B3GALNT2: variants seen among roughly 807,000 people sequenced by gnomAD.
The protein encoded by B3GALNT2 is beta-1,3-N-acetylgalactosaminyltransferase 2, also known as UDP-GalNAc:beta-1,3-N-acetylgalactosaminyltransferase 2.
Under a neutral mutation model 61.1 loss-of-function variants are expected in B3GALNT2, and 53 were observed. The observed-to-expected ratio is 0.87, with a 90% CI of 0.70 to 1.09. B3GALNT2 has a LOEUF of 1.09. Ranked by LOEUF, B3GALNT2 falls within the 50% of genes least tolerant of loss-of-function variation. B3GALNT2 has a pLI of 0.00. For missense variants in B3GALNT2, 544 were observed against 623.0 expected, an observed-to-expected ratio of 0.87 and a Z score of 1.35; for synonymous variants, 223 against 237.4, an observed-to-expected ratio of 0.94 and a Z score of 0.56.
At chr1:235,497,330 G>A (rs889250613) in intron 1 of B3GALNT2, among the ~76,000 whole-genome samples, 1 of 152,172 alleles carries the variant, frequency 6.6e-6, no homozygotes, top group Non-Finnish European at 1.5e-5. Context: ...CCACAGCCAA[G>A]ATTTTGCATT....
downstream of B3GALNT2, chr1:235,442,840 T>G: frequency 6.2e-7 from 1 of 1,613,600 alleles, no homozygotes; most frequent in Non-Finnish European, 8.5e-7. Context: ...TTTTTCTTTG[T>G]TTCTCTTAAA....
chr1:235,483,532 G>A (rs1176691264), intron 4 of B3GALNT2, among the ~76,000 whole-genome samples: 1 of 152,240 alleles, frequency 6.6e-6, no homozygotes, highest in South Asian at 2.1e-4. Flanking sequence ...AGCACTCTGG[G>A]AGGCCGAGAA....
Position 235,480,363 on chromosome 1 carries a change from C to T in B3GALNT2, c.556-214G>A, listed in dbSNP as rs114845266. On this transcript the variant is annotated intron_variant, in intron 4 of 11. Coordinates refer to ENST00000366600, the MANE Select transcript of B3GALNT2 (RefSeq NM_152490.5). ...ATATTTAAGGTAATCAAAGTTGTCACGAAATTCTCAAATGCTAAACATAAT... is the reference window on the plus strand; with the variant it reads ...ATATTTAAGGTAATCAAAGTTGTCATGAAATTCTCAAATGCTAAACATAAT... 5.5e-3 allele frequency among the ~76,000 whole-genome samples: 833 copies of T among 151,556 alleles called. 10 individuals carry two copies. Among genetic ancestry groups the T allele is most frequent in the African/African-American group, 0.019 (792 of 41,306 alleles).
At chr1:235,469,959 G>A (rs1683908579) in intron 6 of B3GALNT2, among the ~76,000 whole-genome samples, 1 of 151,990 alleles carries the variant, frequency 6.6e-6, no homozygotes, top group South Asian at 2.1e-4. Context: ...GTGCAGTGGT[G>A]TGATCTCAGC....
intron 2 of B3GALNT2, among the ~76,000 whole-genome samples, 164 bp from the exon 3 acceptor site, chr1:235,489,432 T>C (rs1038741841): frequency 2.6e-5 from 4 of 151,692 alleles, no homozygotes; most frequent in Admixed American, 6.6e-5. Flanking sequence ...ACAAGTAAAC[T>C]GAAAGTTGCT....
chr1:235,483,502 G>C (rs1010596830), intron 4 of B3GALNT2, among the ~76,000 whole-genome samples: 3 of 152,124 alleles, frequency 2.0e-5, no homozygotes, highest in African/African-American at 7.2e-5. Context: ...ACTTTGGGAG[G>C]CTACTTGGGA....
At position 235,453,161 on chromosome 1, in the gene B3GALNT2, T is replaced by G. The variant is rs1683007025; in HGVS notation, c.1312-15A>C. On this transcript the variant is annotated splice_polypyrimidine_tract_variant and intron_variant, in intron 10 of 11. Coordinates refer to ENST00000366600, the MANE Select transcript of B3GALNT2 (RefSeq NM_152490.5). ...ACATCTTCACCCTATACATGGCCCA[T>G]AAAGTTTAAATGTAAAAATTTTAAT... 1 of 1,606,672 alleles carries G rather than the reference T, an allele frequency of 6.2e-7. No homozygotes were observed. The highest frequency in any genetic ancestry group is 1.3e-5 in the African/African-American group (1 of 74,744).
intron 1 of B3GALNT2, among the ~76,000 whole-genome samples, chr1:235,500,820 A>G (rs766749012): frequency 2.6e-5 from 4 of 152,228 alleles, no homozygotes; most frequent in South Asian, 2.1e-4. Context: ...AATCTTCACA[A>G]TAAGTCTATG....
At chr1:235,497,683 T>C (rs1477239457) in intron 1 of B3GALNT2, among the ~76,000 whole-genome samples, 1 of 152,248 alleles carries the variant, frequency 6.6e-6, no homozygotes, top group Admixed American at 6.5e-5. Flanking sequence ...AAAATCTTCA[T>C]GAAAATTTCT....
chr1:235,480,216 T>C, intron 4 of B3GALNT2, 67 bp from the exon 5 acceptor site: 1 of 1,577,396 alleles, frequency 6.3e-7, no homozygotes, highest in Non-Finnish European at 8.6e-7. Context: ...CAAAAAGTTT[T>C]CAAACACCTT....
At chr1:235,461,990 C>T (rs1683457058) in intron 7 of B3GALNT2, among the ~76,000 whole-genome samples, 1 of 152,150 alleles carries the variant, frequency 6.6e-6, no homozygotes, top group Admixed American at 6.6e-5. Context: ...GATTATTTTG[C>T]CCAACTGTGG....
Position 235,450,014 on chromosome 1 carries a change from C to T in B3GALNT2, c.*192G>A. 1.9e-6 allele frequency: 1 copy of T among 527,644 alleles called. No homozygotes were observed. The highest frequency in any genetic ancestry group is 4.0e-5 in the South Asian group (1 of 25,270). The allele number at this position is 527,644 out of a possible 1,614,324, so 32.7% of individuals were successfully genotyped here. A position where few individuals can be genotyped will look rare whatever the true frequency, so the allele number is the denominator to read the frequency against. On this transcript the variant is annotated 3_prime_UTR_variant, in exon 12 of 12. Coordinates refer to ENST00000366600, the MANE Select transcript of B3GALNT2 (RefSeq NM_152490.5). ...ATAAATAAAAACTTTTCTTATGCTA[C>T]AGTACAAGTTGATTTTTAAGGAAAT... is the stretch of plus-strand genomic sequence containing the variant.
intron 7 of B3GALNT2, among the ~76,000 whole-genome samples, chr1:235,459,807 T>G (rs1041934378): frequency 6.6e-6 from 1 of 152,068 alleles, no homozygotes; most frequent in Middle Eastern, 3.4e-3. Context: ...TTTTTTTCTT[T>G]TTTTGAGACA....
chr1:235,442,008 ATTT>A, the B3GALNT2 span: 459 of 594,292 alleles, frequency 7.7e-4, no homozygotes, highest in East Asian at 1.2e-3. Context: ...TTAAATGAAA[ATTT>A]TTTTTTTTTT....
In B3GALNT2 at chr1:235,447,965, CT is replaced by C. The variant is rs1221984402; in HGVS notation, c.*2240del. 6.6e-6 allele frequency among the ~76,000 whole-genome samples: 1 copy of C among 152,026 alleles called. No individual in the cohort carries two copies. The highest frequency in any genetic ancestry group is 1.9e-4 in the East Asian group (1 of 5,188). Reference sequence around the variant, plus strand: ...TGGGCTCATGCTTGTAATCCCAGCACTTTGGGGGGCCAGGGCGGGCGGATCA... The same window carrying C: ...TGGGCTCATGCTTGTAATCCCAGCACTTGGGGGGCCAGGGCGGGCGGATCA... On this transcript the variant is annotated 3_prime_UTR_variant, in exon 12 of 12. Transcript: ENST00000366600.
chr1:235,494,951 A>G lies in B3GALNT2; in HGVS notation c.113-123T>C, dbSNP rs975427477. 5.6e-5 allele frequency: 59 copies of G among 1,045,442 alleles called. No individual in the cohort carries two copies. In the African/African-American group the frequency reaches 7.1e-4, roughly 13 times the overall value. The allele number at this position is 1,045,442 out of a possible 1,614,324, so 64.8% of individuals were successfully genotyped here. On this transcript the variant is annotated intron_variant, in intron 1 of 11. Coordinates refer to ENST00000366600, the MANE Select transcript of B3GALNT2 (RefSeq NM_152490.5). ...TAGGAAATTCAGATAAACACAAAGA[A>G]AAGAATTTTTAAATCACATATGAAC...
Position 235,448,629 on chromosome 1 carries a change from T to A in B3GALNT2, c.*1577A>T, listed in dbSNP as rs753265986. The stretch of plus-strand genomic sequence containing the variant: ...TATGTGTAGCATGCTTTATCGGATC[T>A]GTCTTAATCACATCCTTCCCCACCT... On this transcript the variant is annotated 3_prime_UTR_variant, in exon 12 of 12. Transcript: ENST00000366600. 1.9e-6 allele frequency: 3 copies of A among 1,545,528 alleles called. No individual in the cohort carries two copies. The highest frequency in any genetic ancestry group is 2.2e-5 in the East Asian group (1 of 44,542).
At chr1:235,468,331 GT>G (rs1311479649) in intron 6 of B3GALNT2, among the ~76,000 whole-genome samples, 4 of 148,964 alleles carry the variant, frequency 2.7e-5, no homozygotes, top group African/African-American at 9.9e-5. Context: ...TTTTGTTTTT[GT>G]TTTTTTAGGT....
At chr1:235,468,628 T>G (rs1212184618) in intron 6 of B3GALNT2, among the ~76,000 whole-genome samples, 1 of 151,986 alleles carries the variant, frequency 6.6e-6, no homozygotes, top group Non-Finnish European at 1.5e-5. Context: ...AATTTTTGTA[T>G]TTTTAGTAGA....
Sources: allele counts gnomAD v4.1 joint callset (sites outside exome capture counted in the v4.1 genomes callset), GRCh38; gene constraint gnomAD v4.1.1; transcripts MANE v1.5; gene names NCBI Gene and HGNC (gene_info 2026-07-23, HGNC 2026-07-21).